The following MARCHF1 variants were observed in gnomAD, a reference collection of about 807,000 sequenced individuals.
The protein encoded by MARCHF1 is E3 ubiquitin-protein ligase MARCHF1.
Under a neutral mutation model 54.2 loss-of-function variants are expected in MARCHF1, and 40 were observed. The ratio of observed to expected loss-of-function variants is 0.74; its 90% CI spans 0.57 to 0.96. The LOEUF (loss-of-function observed/expected upper bound fraction) is 0.96. MARCHF1 is among the 40% of genes least tolerant of loss of function. The probability of loss-of-function intolerance (pLI) is 0.00; values close to 1 mark genes in which losing one functional copy is unlikely to be tolerated. For missense variants in MARCHF1, 586 were observed against 656.5 expected (o/e 0.89, Z 1.17); for synonymous variants, 236 against 236.3 (o/e 1.00, Z 0.01).
chr4:164,220,384 C>T (rs933978442), intron 1 of MARCHF1, among the ~76,000 whole-genome samples: 13 of 145,778 alleles, frequency 8.9e-5, no homozygotes, highest in Admixed American at 2.8e-4. Flanking sequence ...ATATTCCATT[C>T]CTATGTATAT....
intron 9 of MARCHF1, among the ~76,000 whole-genome samples, chr4:163,531,773 A>G (rs1017318688): frequency 6.6e-6 from 1 of 151,922 alleles, no homozygotes; most frequent in East Asian, 1.9e-4. Context: ...TTGCTTTCCT[A>G]TATATAGCAG....
intron 1 of MARCHF1, among the ~76,000 whole-genome samples, chr4:164,164,103 G>T (rs1175278383): frequency 6.6e-6 from 1 of 151,802 alleles, no homozygotes; most frequent in African/African-American, 2.4e-5. Flanking sequence ...AAGATTAATA[G>T]CACTAAACAT....
chr4:164,189,244 C>G (rs1731058901), intron 1 of MARCHF1: 2 of 574,824 alleles, frequency 3.5e-6, no homozygotes, highest in African/African-American at 1.9e-5. Context: ...GAAACTCCAG[C>G]TAGAGGTAGA....
chr4:164,262,519 C>T (rs1733496503), intron 1 of MARCHF1, among the ~76,000 whole-genome samples: 1 of 152,148 alleles, frequency 6.6e-6, no homozygotes, highest in Admixed American at 6.5e-5. Flanking sequence ...TTAGAGATGC[C>T]AGCCCTGTAG....
intron 9 of MARCHF1, among the ~76,000 whole-genome samples, chr4:163,534,889 A>T (rs1264148412): frequency 6.6e-6 from 1 of 152,110 alleles, no homozygotes; most frequent in Admixed American, 6.6e-5. Flanking sequence ...GTACTGTATC[A>T]TGTATTCCAA....
chr4:163,612,894 C>A lies in MARCHF1; in HGVS notation c.387G>T (p.Glu129Asp), dbSNP rs1337095407. 3 of 1,535,358 alleles carry A rather than the reference C, an allele frequency of 2.0e-6. No homozygotes were observed. In the African/African-American group the frequency reaches 4.1e-5, roughly 21 times the overall value. ...RRRRKASERY[E>D]HAAEEQIRGR... ...CTCTTATTTGTTCTTCTGCAGCATG[C>A]TCATATCTCTCAGAGGCTTTTCTCC... Residue 129 changes from glutamate (E) to aspartate (D), a missense_variant, in exon 7 of 10, where the codon GAG (glutamate) becomes GAT (aspartate). Glu to Asp is a conservative substitution (Grantham distance 45). Transcript: ENST00000514618.
intron 8 of MARCHF1, 129 bp downstream of exon 8, chr4:163,585,620 A>G: frequency 7.7e-6 from 5 of 652,452 alleles, no homozygotes; most frequent in Non-Finnish European, 1.2e-5. Context: ...CACTGAGCTC[A>G]ACACAAGACA....
At chr4:164,004,499 C>T (rs567288663) in intron 2 of MARCHF1, among the ~76,000 whole-genome samples, 4 of 152,004 alleles carry the variant, frequency 2.6e-5, no homozygotes, top group African/African-American at 9.6e-5. Context: ...TAACCTATAA[C>T]AACACTGTCA....
chr4:164,342,046 A>G (rs922279932), intron 1 of MARCHF1, among the ~76,000 whole-genome samples: 4 of 152,170 alleles, frequency 2.6e-5, no homozygotes, highest in Admixed American at 2.6e-4. Context: ...ATGTTTGCAA[A>G]CCCCGTATCC....
chr4:163,580,269 G>A (rs1258078905), intron 8 of MARCHF1, among the ~76,000 whole-genome samples: 2 of 151,838 alleles, frequency 1.3e-5, no homozygotes, highest in Admixed American at 1.3e-4. Context: ...TAGTAAAGAT[G>A]GGGTTTCACC....
intron 1 of MARCHF1, among the ~76,000 whole-genome samples, chr4:164,156,725 G>A (rs1038455200): frequency 1.3e-5 from 2 of 152,156 alleles, no homozygotes; most frequent in Non-Finnish European, 2.9e-5. Context: ...CACCATGCCC[G>A]CCCTTAATTC....
intron 3 of MARCHF1, among the ~76,000 whole-genome samples, chr4:163,944,776 C>G (rs577320483): frequency 6.6e-6 from 1 of 152,232 alleles, no homozygotes; most frequent in East Asian, 1.9e-4. Context: ...ATCTTTTAAC[C>G]AGAAATCCAA....
chr4:163,769,955 T>C (rs1368919630), intron 4 of MARCHF1, among the ~76,000 whole-genome samples: 1 of 152,170 alleles, frequency 6.6e-6, no homozygotes, highest in Admixed American at 6.6e-5. Context: ...CTTTTCCTTT[T>C]TCTCCTCAAC....
chr4:164,096,224 T>C (rs1755409347), intron 2 of MARCHF1, among the ~76,000 whole-genome samples: 1 of 152,186 alleles, frequency 6.6e-6, no homozygotes, highest in Non-Finnish European at 1.5e-5. Flanking sequence ...TATTATGGAA[T>C]ACTATGCAGC....
rs184676947 is a variant in MARCHF1, at chr4:164,243,437, T to C, written c.-322-131775A>G. The stretch of plus-strand genomic sequence containing the variant: ...ACAGACAAGCAAATGCTGAGAGATT[T>C]TGTCACCACCAGGAAGGAAGCACTA... On this transcript the variant is annotated intron_variant, in intron 1 of 9. Transcript: ENST00000514618. 4.4e-3 allele frequency among the ~76,000 whole-genome samples: 663 copies of C among 152,018 alleles called. 8 individuals are homozygous for C. Among genetic ancestry groups the C allele is most frequent in the Middle Eastern group, 0.017 (5 of 294 alleles).
At chr4:163,604,233 A>G (rs1004975814) in intron 7 of MARCHF1, among the ~76,000 whole-genome samples, 6 of 151,812 alleles carry the variant, frequency 4.0e-5, no homozygotes, top group Admixed American at 3.9e-4. Flanking sequence ...CCTCCCAAAT[A>G]TCTCTCTTTG....
intron 2 of MARCHF1, among the ~76,000 whole-genome samples, chr4:164,096,147 G>T (rs1430751559): frequency 1.3e-5 from 2 of 152,062 alleles, no homozygotes; most frequent in South Asian, 4.1e-4. Context: ...TCACAATAGC[G>T]AAGACATGGA....
intron 1 of MARCHF1, among the ~76,000 whole-genome samples, chr4:164,259,560 A>AG (rs201204988): frequency 2.5e-5 from 3 of 119,002 alleles, no homozygotes; most frequent in African/African-American, 4.2e-5. Flanking sequence ...AAAAAAAAAA[A>AG]AAAAAGAAAA....
chr4:163,555,447 A>G (rs1475986617), intron 8 of MARCHF1, among the ~76,000 whole-genome samples: 1 of 152,226 alleles, frequency 6.6e-6, no homozygotes. Flanking sequence ...GAGTTGATTA[A>G]TATCACCATG....
Sources: gnomAD v4.1 joint callset for allele counts (sites outside exome capture counted in the v4.1 genomes callset) on GRCh38, gnomAD v4.1.1 for gene constraint, MANE v1.5 for transcripts, NCBI Gene and HGNC (gene_info 2026-07-23, HGNC 2026-07-21) for gene names.